The following ANGPT1 variants were observed in gnomAD, a reference collection of about 807,000 sequenced individuals.
The protein encoded by ANGPT1 is angiopoietin 1, also known as angiopoietin-1.
ANGPT1 carries 17 observed loss-of-function variants against 62.2 expected under a neutral mutation model. That is an observed-to-expected ratio of 0.27 (90% CI 0.19 to 0.41). The LOEUF (loss-of-function observed/expected upper bound fraction) is 0.41. ANGPT1 is among the 10% of genes least tolerant of loss of function. ANGPT1 has a pLI of 1.00. For missense variants in ANGPT1, 478 were observed against 594.9 expected (o/e 0.80, Z 2.04); for synonymous variants, 199 against 198.9 (o/e 1.00, Z 0.00).
chr8:107,356,967 G>T (rs573504003), intron 1 of ANGPT1, among the ~76,000 whole-genome samples: 1 of 152,096 alleles, frequency 6.6e-6, no homozygotes, highest in Non-Finnish European at 1.5e-5. Context: ...TTGTATGTAC[G>T]TATATACAAA....
intron 1 of ANGPT1, among the ~76,000 whole-genome samples, chr8:107,468,949 A>T (rs1212905917): frequency 2.0e-5 from 3 of 152,098 alleles, no homozygotes; most frequent in Non-Finnish European, 2.9e-5. Context: ...TGAAGCAAGA[A>T]TAGTGAAATT....
chr8:107,336,456 G>C (rs1400684902), intron 2 of ANGPT1, 185 bp from the exon 3 acceptor site: 1 of 858,626 alleles, frequency 1.2e-6, no homozygotes, highest in South Asian at 2.2e-5. Flanking sequence ...ACGAGGTCAA[G>C]AGATCGAGAC....
At chr8:107,379,942 G>A (rs1563595970) in intron 1 of ANGPT1, among the ~76,000 whole-genome samples, 1 of 152,120 alleles carries the variant, frequency 6.6e-6, no homozygotes, top group Non-Finnish European at 1.5e-5. Context: ...GGGGTCTTGA[G>A]ATATCCCAAA....
chr8:107,323,608 T>C (rs547487784), intron 3 of ANGPT1, among the ~76,000 whole-genome samples: 1 of 152,244 alleles, frequency 6.6e-6, no homozygotes, highest in East Asian at 1.9e-4. Flanking sequence ...GAGAAGTCCA[T>C]GTGGCAGAAG....
chr8:107,491,116 T>G (rs566746994), intron 1 of ANGPT1, among the ~76,000 whole-genome samples: 4 of 152,144 alleles, frequency 2.6e-5, no homozygotes, highest in Admixed American at 2.0e-4. Context: ...CTGTAAGCAT[T>G]GTGCTAGAAA....
chr8:107,309,922 CTA>C (rs1325394127), intron 4 of ANGPT1, among the ~76,000 whole-genome samples: 1 of 152,076 alleles, frequency 6.6e-6, no homozygotes, highest in Non-Finnish European at 1.5e-5. Context: ...CTTTGATTAA[CTA>C]AAAGTGTACT....
chr8:107,444,977 C>T (rs1811576948), intron 1 of ANGPT1, among the ~76,000 whole-genome samples: 2 of 152,096 alleles, frequency 1.3e-5, no homozygotes, highest in Non-Finnish European at 2.9e-5. Flanking sequence ...ATTCTTCTTC[C>T]CTGCAGGGGT....
intron 4 of ANGPT1, among the ~76,000 whole-genome samples, chr8:107,309,483 C>T (rs1190701622): frequency 6.6e-6 from 1 of 152,178 alleles, no homozygotes; most frequent in Non-Finnish European, 1.5e-5. Context: ...ATTTTGAAGA[C>T]ACTCTCTGGA....
chr8:107,294,473 T>TA (rs1185434666), intron 5 of ANGPT1: 1 of 153,026 alleles, frequency 6.5e-6, no homozygotes, highest in Non-Finnish European at 1.5e-5. Context: ...ACAATAAGAA[T>TA]AAAAAATTTT....
chr8:107,280,872 A>G (rs893255420), intron 7 of ANGPT1, among the ~76,000 whole-genome samples: 1 of 152,146 alleles, frequency 6.6e-6, no homozygotes, highest in Non-Finnish European at 1.5e-5. Context: ...TATATATGAG[A>G]GTATGAAGAC....
intron 1 of ANGPT1, among the ~76,000 whole-genome samples, chr8:107,452,741 G>A (rs1811812655): frequency 6.6e-6 from 1 of 151,896 alleles, no homozygotes; most frequent in African/African-American, 2.4e-5. Flanking sequence ...CAAACTCCAA[G>A]AGCTTTCTCA....
intron 1 of ANGPT1, among the ~76,000 whole-genome samples, chr8:107,360,255 G>A (rs978385011): frequency 6.6e-6 from 1 of 152,204 alleles, no homozygotes; most frequent in Non-Finnish European, 1.5e-5. Flanking sequence ...AATACTTCTT[G>A]TGGATCAGCC....
chr8:107,358,971 G>A (rs1371955755), intron 1 of ANGPT1, among the ~76,000 whole-genome samples: 1 of 152,148 alleles, frequency 6.6e-6, no homozygotes, highest in African/African-American at 2.4e-5. Context: ...TGAAGTTGAT[G>A]TGGGCTTTTT....
intron 7 of ANGPT1, among the ~76,000 whole-genome samples, chr8:107,275,061 C>A (rs1219097335): frequency 6.6e-6 from 1 of 152,038 alleles, no homozygotes; most frequent in Non-Finnish European, 1.5e-5. Context: ...TCCAATTAGG[C>A]AAAGTGAATA....
intron 1 of ANGPT1, among the ~76,000 whole-genome samples, chr8:107,481,487 T>A (rs1413610811): frequency 7.8e-6 from 1 of 127,870 alleles, no homozygotes; most frequent in African/African-American, 3.1e-5. Flanking sequence ...TGAGCCAAGA[T>A]TACACCACTA....
intron 1 of ANGPT1, among the ~76,000 whole-genome samples, chr8:107,371,890 T>C (rs1317799180): frequency 2.0e-5 from 3 of 152,206 alleles, no homozygotes; most frequent in Non-Finnish European, 4.4e-5. Flanking sequence ...CTCTTCTGGC[T>C]GTTTTAATTT....
At chr8:107,268,158 T>C (rs1813657110) in intron 7 of ANGPT1, among the ~76,000 whole-genome samples, 1 of 152,114 alleles carries the variant, frequency 6.6e-6, no homozygotes, top group African/African-American at 2.4e-5. Flanking sequence ...GTCTCTGAGA[T>C]AGAGAAAGGC....
chr8:107,488,021 A>G (rs1812858769), intron 1 of ANGPT1, among the ~76,000 whole-genome samples: 1 of 152,230 alleles, frequency 6.6e-6, no homozygotes. Flanking sequence ...GTACACTATC[A>G]TACAATTGTA....
chr8:107,462,783 G>A (rs1030078429), intron 1 of ANGPT1, among the ~76,000 whole-genome samples: 48 of 151,982 alleles, frequency 3.2e-4, no homozygotes, highest in Middle Eastern at 3.4e-3. Flanking sequence ...GAAAACAACC[G>A]ACTAACCAAC....
Sources: allele counts gnomAD v4.1 joint callset (sites outside exome capture counted in the v4.1 genomes callset), GRCh38; gene constraint gnomAD v4.1.1; transcripts MANE v1.5; gene names NCBI Gene and HGNC (gene_info 2026-07-23, HGNC 2026-07-21).